Variants in CSRP1 observed in about 807,000 individuals in gnomAD.
CSRP1 encodes the protein cysteine and glycine-rich protein 1.
CSRP1 carries 16 observed loss-of-function variants against 25.4 expected under a neutral mutation model. The ratio of observed to expected loss-of-function variants is 0.63; its 90% CI spans 0.43 to 0.96. The LOEUF (loss-of-function observed/expected upper bound fraction) is 0.96. Among genes scored for constraint, CSRP1 ranks in the 40% least tolerant of loss-of-function variants. The probability of loss-of-function intolerance (pLI) is 0.00; values close to 1 mark genes in which losing one functional copy is unlikely to be tolerated. For missense variants in CSRP1, 212 were observed against 243.6 expected, an observed-to-expected ratio of 0.87 and a Z score of 0.86; for synonymous variants, 97 against 95.3, an observed-to-expected ratio of 1.02 and a Z score of -0.10.
At chr1:201,486,541 T>C (rs1571773059) in intron 4 of CSRP1, 2 of 988,436 alleles carry the variant, frequency 2.0e-6, no homozygotes, top group Non-Finnish European at 2.4e-6. Context: ...TCTAGGTCAG[T>C]GCTGGTGCAA....
At chr1:201,495,108 G>A (rs1362478705) in intron 2 of CSRP1, among the ~76,000 whole-genome samples, 1 of 152,228 alleles carries the variant, frequency 6.6e-6, no homozygotes, top group Non-Finnish European at 1.5e-5. Context: ...CATGGGGAAT[G>A]TACCTTGGCG....
intron 1 of CSRP1, among the ~76,000 whole-genome samples, chr1:201,505,629 T>G (rs1477294519): frequency 6.6e-6 from 1 of 152,172 alleles, no homozygotes; most frequent in Non-Finnish European, 1.5e-5. Flanking sequence ...TCTGACTGCC[T>G]CCGCCCCGGA....
chr1:201,487,554 C>G (rs931119203), intron 4 of CSRP1: 4 of 152,254 alleles, frequency 2.6e-5, no homozygotes, highest in Admixed American at 6.5e-5. Context: ...TTCCCAAGTT[C>G]GCTCAGCCAA....
In CSRP1 at chr1:201,488,896, G is replaced by A; in HGVS notation, c.370C>T (p.Gln124Ter). The A allele has an allele frequency of 6.2e-7, 1 of 1,614,120 alleles. No homozygotes were observed. Among genetic ancestry groups the A allele is most frequent in the East Asian group, 2.2e-5 (1 of 44,872 alleles). ...ACCTTCTCCGCAGCATAGACTGCCT[G>A]GCTGCATCGGGGGCAGCGCTCGGAG... ...GGSERCPRCS[Q>*]AVYAAEKVIG... The change falls in exon 4 of 6, where the codon CAG (glutamine) becomes TAG (stop). Residue 124 changes from glutamine to a stop codon, truncating the protein, a stop_gained. Transcript: ENST00000340006. LOFTEE classifies it high-confidence loss of function.
chr1:201,490,585 CAT>C (rs889457873), intron 2 of CSRP1: 1 of 476,106 alleles, frequency 2.1e-6, no homozygotes, highest in African/African-American at 1.9e-5. Flanking sequence ...TCCAGGAATC[CAT>C]ATGTGTCTCC....
In CSRP1 at chr1:201,484,038, C is replaced by A. The variant is rs1158637604; in HGVS notation, c.*675G>T. ...GAACTAGATGTTTGAGAAGATCAAA[C>A]AACATCCTGACTTTGGGGTCCTTAA... On this transcript the variant is annotated 3_prime_UTR_variant, in exon 6 of 6. Transcript: ENST00000340006. The A allele has an allele frequency of 1.4e-6, 1 of 697,040 alleles. No individual in the cohort carries two copies. The highest frequency in any genetic ancestry group is 1.5e-5 in the South Asian group (1 of 67,326). The allele number at this position is 697,040 out of a possible 1,614,324, so 43.2% of individuals were successfully genotyped here.
chr1:201,490,083 C>T, intron 3 of CSRP1, 93 bp downstream of exon 3: 1 of 1,352,032 alleles, frequency 7.4e-7, no homozygotes, highest in Admixed American at 2.3e-5. Context: ...CCTTCCATTG[C>T]TTACCCAAAA....
At chr1:201,488,219 A>G (rs1279287352) in intron 4 of CSRP1, 3 of 152,140 alleles carry the variant, frequency 2.0e-5, no homozygotes, top group Non-Finnish European at 4.4e-5. Flanking sequence ...GATCAGCTCA[A>G]TTGGGAACTG....
chr1:201,496,016 C>A, intron 2 of CSRP1, 176 bp downstream of exon 2: 1 of 583,240 alleles, frequency 1.7e-6, no homozygotes, highest in Non-Finnish European at 3.0e-6. Context: ...AAAGAAGCTT[C>A]TGAACGGAAC....
chr1:201,494,567 G>A (rs1382392255), intron 2 of CSRP1, among the ~76,000 whole-genome samples: 1 of 152,248 alleles, frequency 6.6e-6, no homozygotes, highest in Non-Finnish European at 1.5e-5. Flanking sequence ...GGCTGAGCAG[G>A]ATGTGGGGCC....
rs1664848222 is a variant in CSRP1 at position 201,507,087 on chromosome 1, G to GGTGA, written c.-20_-19insTCAC. ...GCACTCACCTGGCAGCTGGCTCGGC[G>GGTGA]GCGCAGGGGCGGCAGGCGCTCTCGG... On this transcript the variant is annotated 5_prime_UTR_variant, in exon 1 of 6. Transcript: ENST00000340006. The GGTGA allele has an allele frequency of 6.6e-6, 1 of 152,224 alleles. No homozygotes were observed. The highest frequency in any genetic ancestry group is 1.5e-5 in the Non-Finnish European group (1 of 68,064). 9.4% of individuals were successfully genotyped at this position (152,224 alleles called of 1,614,324 possible).
chr1:201,496,635 C>T (rs1426105245), intron 1 of CSRP1: 2 of 363,282 alleles, frequency 5.5e-6, no homozygotes, highest in African/African-American at 2.1e-5. Context: ...AAATGGACTG[C>T]CTACCCCTAC....
chr1:201,490,612 C>A (rs1664310793), intron 2 of CSRP1: 1 of 381,218 alleles, frequency 2.6e-6, no homozygotes, highest in South Asian at 3.6e-5. Flanking sequence ...GTCCTCTGCA[C>A]CCCTAAACTT....
rs1247852092 is a variant in CSRP1 at position 201,488,743 on chromosome 1, C to T, written c.411+112G>A. 3.8e-6 allele frequency: 5 copies of T among 1,305,482 alleles called. No individual in the cohort carries two copies. In the East Asian group the frequency reaches 9.7e-5, roughly 25 times the overall value. 80.9% of individuals were successfully genotyped at this position (1,305,482 alleles called of 1,614,324 possible). ...AGGGACAAAGAGAAGAGGTTAAACC[C>T]CAGTGCTCAGGCTGCCCTGAGCAGA... is the stretch of plus-strand genomic sequence containing the variant. On this transcript the variant is annotated intron_variant, in intron 4 of 5. Transcript: ENST00000340006.
At chr1:201,505,246 C>G (rs559844962) in intron 1 of CSRP1, among the ~76,000 whole-genome samples, 2 of 152,336 alleles carry the variant, frequency 1.3e-5, no homozygotes, top group South Asian at 4.1e-4. Flanking sequence ...AAGACCATTG[C>G]TACCCCACTC....
intron 1 of CSRP1, among the ~76,000 whole-genome samples, chr1:201,503,585 G>A (rs915263060): frequency 6.6e-6 from 1 of 152,110 alleles, no homozygotes; most frequent in African/African-American, 2.4e-5. Flanking sequence ...TCTGGCCCTG[G>A]GGAAGCACTG....
chr1:201,484,885 G>A (rs1167131084), intron 5 of CSRP1, 96 bp from the exon 6 acceptor site: 1 of 1,067,846 alleles, frequency 9.4e-7, no homozygotes, highest in Non-Finnish European at 1.4e-6. Context: ...CTAGTGCCCA[G>A]CCAGACTGCT....
chr1:201,488,897 G>A lies in CSRP1; in HGVS notation c.369C>T (p.Ser123=). 1.9e-6 allele frequency: 3 copies of A among 1,614,110 alleles called. No individual in the cohort carries two copies. Among genetic ancestry groups the A allele is most frequent in the African/African-American group, 1.3e-5 (1 of 75,024 alleles). Residue 123 remains serine, a synonymous_variant, in exon 4 of 6, where the codon AGC becomes AGT. Transcript: ENST00000340006. ...IGGSERCPRC[S]QAVYAAEKVI... ...CCTTCTCCGCAGCATAGACTGCCTG[G>A]CTGCATCGGGGGCAGCGCTCGGAGC...
At chr1:201,496,140 G>T in intron 2 of CSRP1, 52 bp downstream of exon 2, 2 of 1,427,384 alleles carry the variant, frequency 1.4e-6, no homozygotes, top group Non-Finnish European at 2.0e-6. Context: ...TGTGGGGGCA[G>T]GCCCGTCCAG....
Sources: allele counts gnomAD v4.1 joint callset (sites outside exome capture counted in the v4.1 genomes callset), GRCh38; gene constraint gnomAD v4.1.1; transcripts MANE v1.5; gene names NCBI Gene and HGNC (gene_info 2026-07-23, HGNC 2026-07-21).